The following CSMD3 variants were observed in gnomAD, a reference collection of about 807,000 sequenced individuals.
CSMD3 encodes CUB and Sushi multiple domains 3, also known as CUB and sushi domain-containing protein 3.
Under a neutral mutation model 435.2 loss-of-function variants are expected in CSMD3, and 177 were observed. The observed-to-expected ratio is 0.41, with a 90% CI of 0.36 to 0.46. The LOEUF (loss-of-function observed/expected upper bound fraction) is 0.46, where lower values mean the gene tolerates loss of function less well. Among genes scored for constraint, CSMD3 ranks in the 20% least tolerant of loss-of-function variants. The probability of loss-of-function intolerance (pLI) is 0.34; values close to 1 mark genes in which losing one functional copy is unlikely to be tolerated. For synonymous variants in CSMD3, 1,656 were observed against 1,520.5 expected, an observed-to-expected ratio of 1.09 and a Z score of -2.07; for missense variants, 4,265 against 4,504.6, an observed-to-expected ratio of 0.95 and a Z score of 1.52.
At chr8:112,837,148 T>A (rs566199603) in intron 11 of CSMD3, among the ~76,000 whole-genome samples, 1 of 151,904 alleles carries the variant, frequency 6.6e-6, no homozygotes, top group Non-Finnish European at 1.5e-5. Flanking sequence ...AAATATTACA[T>A]AAATTCTTCG....
In CSMD3 at chr8:112,410,690, A is replaced by G. The variant is rs539912105; in HGVS notation, c.5396-1658T>C. Among the ~76,000 whole-genome samples, 399 of 112,460 alleles carry G rather than the reference A, an allele frequency of 3.5e-3. 4 individuals carry two copies. The highest frequency in any genetic ancestry group is 5.6e-3 in the Non-Finnish European group (300 of 53,336). 73.8% of individuals were successfully genotyped at this position (112,460 alleles called of 152,430 possible). ...TATATATATGTGTATATATATATGT[A>G]TATATATATGTGTATATATATATAT... On this transcript the variant is annotated intron_variant, in intron 32 of 70. Coordinates refer to ENST00000297405, the MANE Select transcript of CSMD3 (RefSeq NM_198123.2).
chr8:112,456,690 T>C (rs1163807835), intron 32 of CSMD3, among the ~76,000 whole-genome samples: 1 of 152,102 alleles, frequency 6.6e-6, no homozygotes, highest in East Asian at 1.9e-4. Context: ...ATCTCTTTTT[T>C]ATAGATGAGA....
chr8:113,260,674 G>C (rs139077779), intron 3 of CSMD3, among the ~76,000 whole-genome samples: 1 of 152,124 alleles, frequency 6.6e-6, no homozygotes, highest in African/African-American at 2.4e-5. Flanking sequence ...TTGTTACATA[G>C]GTATCCATGT....
chr8:112,895,598 T>C (rs886662009), intron 10 of CSMD3, among the ~76,000 whole-genome samples: 2 of 151,386 alleles, frequency 1.3e-5, no homozygotes, highest in African/African-American at 4.8e-5. Context: ...TACCTGGCAA[T>C]TGAATGGGAT....
intron 2 of CSMD3, among the ~76,000 whole-genome samples, chr8:113,286,327 A>G (rs1004869835): frequency 9.2e-5 from 14 of 152,192 alleles, no homozygotes; most frequent in Admixed American, 4.6e-4. Flanking sequence ...AGAATTAAAC[A>G]ATTAACTTAC....
At chr8:112,278,015 C>T (rs1483235999) in intron 59 of CSMD3, among the ~76,000 whole-genome samples, 1 of 152,160 alleles carries the variant, frequency 6.6e-6, no homozygotes, top group Admixed American at 6.6e-5. Flanking sequence ...TCTCTCAAAC[C>T]ATTTCTGACC....
chr8:112,518,960 A>G (rs1209969327), intron 27 of CSMD3, among the ~76,000 whole-genome samples: 1 of 152,006 alleles, frequency 6.6e-6, no homozygotes, highest in Non-Finnish European at 1.5e-5. Context: ...AAATAACCAG[A>G]TCTCATGAGA....
intron 40 of CSMD3, among the ~76,000 whole-genome samples, chr8:112,348,749 A>G (rs1381388949): frequency 3.3e-5 from 5 of 152,080 alleles, no homozygotes; most frequent in Non-Finnish European, 5.9e-5. Flanking sequence ...ATACAAAATT[A>G]TATAATAAAA....
intron 5 of CSMD3, among the ~76,000 whole-genome samples, chr8:113,055,418 T>C (rs1251146375): frequency 6.6e-6 from 1 of 152,196 alleles, no homozygotes; most frequent in East Asian, 1.9e-4. Flanking sequence ...CCTCCTATTA[T>C]AAAGTGTTTG....
intron 13 of CSMD3, among the ~76,000 whole-genome samples, chr8:112,793,121 GC>G: frequency 6.8e-6 from 1 of 146,958 alleles, no homozygotes; most frequent in Non-Finnish European, 1.5e-5. Flanking sequence ...TATTTATATT[GC>G]TAATATATTA....
intron 66 of CSMD3, among the ~76,000 whole-genome samples, chr8:112,239,229 G>T (rs557885770): frequency 2.6e-5 from 4 of 152,136 alleles, no homozygotes; most frequent in African/African-American, 9.6e-5. Context: ...CTCTGAATCT[G>T]CTGTGATTCT....
At chr8:112,303,813 C>T (rs186883094) in intron 52 of CSMD3, among the ~76,000 whole-genome samples, 11 of 152,056 alleles carry the variant, frequency 7.2e-5, no homozygotes, top group South Asian at 4.1e-4. Flanking sequence ...TTGTCTGCTA[C>T]GTTAAACTTC....
At chr8:113,106,583 T>A (rs1048510185) in intron 4 of CSMD3, among the ~76,000 whole-genome samples, 1 of 152,204 alleles carries the variant, frequency 6.6e-6, no homozygotes, top group African/African-American at 2.4e-5. Context: ...TTTACAAATT[T>A]GATGAAAATA....
intron 1 of CSMD3, among the ~76,000 whole-genome samples, chr8:113,397,853 TA>T (rs1563781537): frequency 2.0e-5 from 3 of 149,462 alleles, no homozygotes; most frequent in African/African-American, 7.4e-5. Flanking sequence ...AATAAATAAA[TA>T]AATAAATAAA....
chr8:112,612,709 C>CTTTTTTTTTTT (rs532290154), intron 22 of CSMD3, among the ~76,000 whole-genome samples: 95 of 65,890 alleles, frequency 1.4e-3, no homozygotes, highest in East Asian at 2.0e-3. Context: ...TTTCTTTGTT[C>CTTTTTTTTTTT]TTTTTTTTTT....
At chr8:113,372,795 G>A (rs575348992) in intron 1 of CSMD3, among the ~76,000 whole-genome samples, 16 of 152,040 alleles carry the variant, frequency 1.1e-4, no homozygotes, top group Admixed American at 3.3e-4. Flanking sequence ...TTAGCCGGGC[G>A]TGGTGGCGGG....
intron 9 of CSMD3, among the ~76,000 whole-genome samples, chr8:112,928,051 C>CA (rs1160535254): frequency 2.0e-5 from 3 of 152,104 alleles, no homozygotes; most frequent in Non-Finnish European, 4.4e-5. Flanking sequence ...CTCCAATACT[C>CA]AGCTTCAGAT....
intron 13 of CSMD3, among the ~76,000 whole-genome samples, chr8:112,692,039 A>ATCAT (rs1431416879): frequency 6.6e-6 from 1 of 151,870 alleles, no homozygotes; most frequent in Non-Finnish European, 1.5e-5. Context: ...CTGACCTCAA[A>ATCAT]TCATTCGCCC....
At chr8:113,344,389 T>C (rs1356665722) in intron 1 of CSMD3, among the ~76,000 whole-genome samples, 2 of 152,158 alleles carry the variant, frequency 1.3e-5, no homozygotes, top group Admixed American at 6.5e-5. Flanking sequence ...CAGTATCTTG[T>C]TTTGACCACA....
Sources: allele counts gnomAD v4.1 joint callset (sites outside exome capture counted in the v4.1 genomes callset), GRCh38; gene constraint gnomAD v4.1.1; transcripts MANE v1.5; gene names NCBI Gene and HGNC (gene_info 2026-07-23, HGNC 2026-07-21).